Variants in PCDH15 observed in about 807,000 individuals in gnomAD.
PCDH15 encodes protocadherin related 15.
Under a neutral mutation model 178.5 loss-of-function variants are expected in PCDH15, and 129 were observed. The ratio of observed to expected loss-of-function variants is 0.72; its 90% CI spans 0.63 to 0.84. The LOEUF (loss-of-function observed/expected upper bound fraction) is 0.84. PCDH15 is among the 40% of genes least tolerant of loss of function. The pLI is 0.00. For missense variants in PCDH15, 2,230 were observed against 2,099.9 expected (o/e 1.06, Z -1.21); for synonymous variants, 800 against 732.0 (o/e 1.09, Z -1.50).
At position 53,807,008 on chromosome 10, in the gene PCDH15, AT is replaced by A. The variant is rs1469408534; in HGVS notation, c.4793del (p.Asn1598IlefsTer15). The A allele has an allele frequency of 6.2e-7, 1 of 1,613,662 alleles. No individual in the cohort carries two copies. Among genetic ancestry groups the A allele is most frequent in the South Asian group, 1.1e-5 (1 of 91,070 alleles). ...NRLHHPSIHS[N>X]INGNIYIAQN... is the part of the protein sequence containing the mutation. ...GTGCAATATATATATTGCCGTTGAT[AT>A]TACTGTGGATACTAGGATGGTGAAG... On this transcript the variant is annotated frameshift_variant, in exon 38 of 38. Transcript: ENST00000644397. LOFTEE classifies it high-confidence loss of function.
At chr10:54,446,096 T>G (rs1490040920) in intron 3 of PCDH15, among the ~76,000 whole-genome samples, 1 of 151,572 alleles carries the variant, frequency 6.6e-6, no homozygotes, top group Non-Finnish European at 1.5e-5. Flanking sequence ...AGCCTTCATA[T>G]GTTTCTCCTC....
intron 26 of PCDH15, among the ~76,000 whole-genome samples, chr10:53,900,006 T>G (rs1327468957): frequency 6.6e-6 from 1 of 152,162 alleles, no homozygotes; most frequent in Non-Finnish European, 1.5e-5. Context: ...CTTCCTCACA[T>G]ATGTTTCACT....
chr10:55,607,878 C>A (rs1019679622), intron 2 of PCDH15, among the ~76,000 whole-genome samples: 1 of 151,108 alleles, frequency 6.6e-6, no homozygotes, highest in East Asian at 2.0e-4. Flanking sequence ...TGCACATGTA[C>A]CCTAAAACTT....
intron 2 of PCDH15, among the ~76,000 whole-genome samples, chr10:55,485,166 A>G (rs1178547524): frequency 6.6e-6 from 1 of 151,740 alleles, no homozygotes. Flanking sequence ...TAGAATGTAT[A>G]AGGACCATAA....
chr10:55,318,871 A>G (rs754306603), intron 1 of PCDH15, among the ~76,000 whole-genome samples: 2 of 152,184 alleles, frequency 1.3e-5, no homozygotes, highest in Non-Finnish European at 2.9e-5. Flanking sequence ...ATTTTCTCAA[A>G]GGGAAGAAAA....
At chr10:54,705,486 C>T (rs1322226810) in intron 1 of PCDH15, among the ~76,000 whole-genome samples, 2 of 152,048 alleles carry the variant, frequency 1.3e-5, no homozygotes, top group East Asian at 3.9e-4. Flanking sequence ...TCTCATCTCC[C>T]CAAACCTCAA....
At chr10:55,467,327 G>A (rs145965035) in intron 2 of PCDH15, among the ~76,000 whole-genome samples, 1,907 of 150,518 alleles carry the variant, frequency 0.013, 29 homozygotes, top group Non-Finnish European at 0.015. Flanking sequence ...ACTCCCATGA[G>A]AGGAAAAGGA....
In PCDH15 at chr10:53,803,845, G is replaced by A. The variant is rs1297822474; in HGVS notation, c.*2734C>T. 6.6e-6 allele frequency: 1 copy of A among 151,882 alleles called. No homozygotes were observed. The highest frequency in any genetic ancestry group is 6.6e-5 in the Admixed American group (1 of 15,208). The allele number at this position is 151,882 out of a possible 1,614,324, so 9.4% of individuals were successfully genotyped here. On this transcript the variant is annotated 3_prime_UTR_variant, in exon 38 of 38. Transcript: ENST00000644397. Reference sequence around the variant, plus strand: ...CCAAGACCTGCTGTTTCTTCTGCCTGATTGAAGCTAGTGCTGATTGAGAAC... The same window carrying A: ...CCAAGACCTGCTGTTTCTTCTGCCTAATTGAAGCTAGTGCTGATTGAGAAC...
At chr10:55,444,404 C>G (rs951964868) in intron 2 of PCDH15, among the ~76,000 whole-genome samples, 3 of 151,838 alleles carry the variant, frequency 2.0e-5, no homozygotes, top group Non-Finnish European at 4.4e-5. Context: ...ATAAAAGCTG[C>G]TCATCTCCTA....
At chr10:55,178,970 A>G (rs1839567411) in intron 1 of PCDH15, among the ~76,000 whole-genome samples, 1 of 152,166 alleles carries the variant, frequency 6.6e-6, no homozygotes, top group African/African-American at 2.4e-5. Context: ...TGTTTTCAGA[A>G]TGATTAGTCT....
chr10:55,359,659 A>G (rs1337877813), intron 2 of PCDH15, among the ~76,000 whole-genome samples: 1 of 150,512 alleles, frequency 6.6e-6, no homozygotes, highest in Non-Finnish European at 1.5e-5. Flanking sequence ...ATTCACAATC[A>G]CCAAGATATA....
At chr10:53,895,561 TA>T (rs1306224248) in intron 26 of PCDH15, among the ~76,000 whole-genome samples, 1 of 152,230 alleles carries the variant, frequency 6.6e-6, no homozygotes, top group Non-Finnish European at 1.5e-5. Context: ...AGAATGAGAT[TA>T]ATCCTCACTG....
At chr10:53,962,242 C>T (rs1223013042) in intron 21 of PCDH15, among the ~76,000 whole-genome samples, 1 of 152,066 alleles carries the variant, frequency 6.6e-6, no homozygotes, top group African/African-American at 2.4e-5. Context: ...CAGGGTCTTC[C>T]TTTGTTGCCC....
chr10:54,213,700 T>C (rs758724873), intron 10 of PCDH15, among the ~76,000 whole-genome samples: 21 of 152,154 alleles, frequency 1.4e-4, no homozygotes, highest in Admixed American at 5.9e-4. Flanking sequence ...AGGCATTTGT[T>C]ACATATAAGA....
intron 29 of PCDH15, among the ~76,000 whole-genome samples, chr10:53,835,535 A>T (rs567650647): frequency 1.3e-5 from 2 of 152,226 alleles, no homozygotes; most frequent in South Asian, 4.1e-4. Flanking sequence ...TGAGCAAAAA[A>T]AACCAAATTC....
chr10:55,450,876 C>A (rs1019610273), intron 2 of PCDH15, among the ~76,000 whole-genome samples: 2 of 150,528 alleles, frequency 1.3e-5, no homozygotes, highest in African/African-American at 4.9e-5. Flanking sequence ...CACAAATGTT[C>A]TTCCAGGTCT....
At chr10:54,974,900 T>C (rs1435516943) in intron 2 of PCDH15, among the ~76,000 whole-genome samples, 1 of 152,178 alleles carries the variant, frequency 6.6e-6, no homozygotes, top group African/African-American at 2.4e-5. Flanking sequence ...ATTATTTTTA[T>C]AGAGGATTTC....
chr10:54,187,087 C>T (rs1463264517), intron 11 of PCDH15, among the ~76,000 whole-genome samples: 2 of 151,932 alleles, frequency 1.3e-5, no homozygotes, highest in Non-Finnish European at 2.9e-5. Context: ...TCTCTAAATG[C>T]ACCAACAATG....
intron 16 of PCDH15, among the ~76,000 whole-genome samples, chr10:54,089,277 T>C (rs1180956683): frequency 3.3e-5 from 5 of 152,218 alleles, no homozygotes; most frequent in Non-Finnish European, 7.3e-5. Context: ...AGTTTACATT[T>C]CTATTCCTTC....
Sources: allele counts gnomAD v4.1 joint callset (sites outside exome capture counted in the v4.1 genomes callset), GRCh38; gene constraint gnomAD v4.1.1; transcripts MANE v1.5; gene names NCBI Gene and HGNC (gene_info 2026-07-23, HGNC 2026-07-21).